NCKAP5: variants seen among roughly 807,000 people sequenced by gnomAD.
NCKAP5 encodes nck-associated protein 5.
A neutral mutation model predicts 167.0 loss-of-function variants in NCKAP5; 92 were observed. The ratio of observed to expected loss-of-function variants is 0.55; its 90% confidence interval spans 0.47 to 0.66. NCKAP5 has a LOEUF of 0.66. NCKAP5 is among the 30% of genes least tolerant of loss of function. The pLI, the probability that NCKAP5 is intolerant of heterozygous loss-of-function variation, is 0.00. For missense variants in NCKAP5, 2,378 were observed against 2,315.0 expected, an observed-to-expected ratio of 1.03 and a Z score of -0.56; for synonymous variants, 891 against 877.4, an observed-to-expected ratio of 1.02 and a Z score of -0.27.
chr2:133,139,879 A>G (rs941678710), intron 5 of NCKAP5, among the ~76,000 whole-genome samples: 3 of 152,234 alleles, frequency 2.0e-5, no homozygotes, highest in African/African-American at 7.2e-5. Flanking sequence ...AAGGAAAGCA[A>G]GACATTGAGT....
At chr2:133,161,051 G>A (rs2083775559) in intron 5 of NCKAP5, among the ~76,000 whole-genome samples, 2 of 152,112 alleles carry the variant, frequency 1.3e-5, no homozygotes, top group African/African-American at 2.4e-5. Flanking sequence ...TCTGCCTCCT[G>A]TCAGGTCAGC....
At chr2:133,567,446 G>C (rs973439250) in intron 1 of NCKAP5, among the ~76,000 whole-genome samples, 1 of 152,156 alleles carries the variant, frequency 6.6e-6, no homozygotes, top group African/African-American at 2.4e-5. Flanking sequence ...CCTGAGGCAG[G>C]CAAAAGAGAA....
At position 132,673,058 on chromosome 2, in the gene NCKAP5, G is replaced by A; in HGVS notation, c.*231C>T. ...ATTTGAACCTTGACTGGCACAGGAA[G>A]AGAAGCTATCATATAAAGAATCACT... On this transcript the variant is annotated 3_prime_UTR_variant, in exon 20 of 20. Transcript: ENST00000409261. 9.0e-7 allele frequency: 1 copy of A among 1,111,246 alleles called. No homozygotes were observed. Among genetic ancestry groups the A allele is most frequent in the Admixed American group, 5.4e-5 (1 of 18,580 alleles). 68.8% of individuals were successfully genotyped at this position (1,111,246 alleles called of 1,614,324 possible). A position where few individuals can be genotyped will look rare whatever the true frequency, so the allele number is the denominator to read the frequency against.
chr2:132,774,134 C>A (rs1175683956), intron 15 of NCKAP5, among the ~76,000 whole-genome samples: 3 of 152,120 alleles, frequency 2.0e-5, no homozygotes, highest in Non-Finnish European at 2.9e-5. Flanking sequence ...TATTTTCAGA[C>A]ATATAACCTC....
intron 4 of NCKAP5, 91 bp from the exon 5 acceptor site, chr2:133,213,870 A>T (rs2086313390): frequency 7.9e-7 from 1 of 1,264,016 alleles, no homozygotes; most frequent in Admixed American, 1.8e-5. Context: ...AGGTCTCTAG[A>T]GGAATTCCTT....
At position 132,785,376 on chromosome 2, in the gene NCKAP5, C is replaced by T. The variant is rs1683475680; in HGVS notation, c.1435G>A (p.Asp479Asn). The T allele has an allele frequency of 6.2e-7, 1 of 1,614,030 alleles. No homozygotes were observed. Among genetic ancestry groups the T allele is most frequent in the African/African-American group, 1.3e-5 (1 of 75,054 alleles). Residue 479 changes from aspartate to asparagine, a missense_variant, in exon 14 of 20, where the codon GAC becomes AAC. Physicochemically the swap from Asp to Asn is conservative, Grantham distance 23 (BLOSUM62 1). Around this residue, in one of 3 missense-constraint regions of NCKAP5, gnomAD observed 1,049 missense variants for 1,023.4 expected, o/e 1.02. Transcript: ENST00000409261. ...VYDLDSHVDA[D>N]DDPSTLALLQ... ...AATGCTAAGGTGGAAGGGTCATCGT[C>T]CGCATCAACGTGGGAATCTAGATCA...
chr2:133,261,544 C>T (rs1046605805), intron 4 of NCKAP5, among the ~76,000 whole-genome samples: 1 of 152,132 alleles, frequency 6.6e-6, no homozygotes, highest in Non-Finnish European at 1.5e-5. Context: ...TACTATGATG[C>T]TATTATTATT....
chr2:133,622,169 G>A, the NCKAP5 span, among the ~76,000 whole-genome samples: 1 of 152,116 alleles, frequency 6.6e-6, no homozygotes, highest in African/African-American at 2.4e-5. Flanking sequence ...TAGACCCACA[G>A]CCAACATTAT....
intron 3 of NCKAP5, among the ~76,000 whole-genome samples, chr2:133,402,042 C>T (rs752403712): frequency 6.6e-5 from 10 of 152,062 alleles, no homozygotes; most frequent in Non-Finnish European, 1.0e-4. Flanking sequence ...ACCCTGTCAG[C>T]GTCATCAAGG....
the NCKAP5 span, among the ~76,000 whole-genome samples, chr2:133,593,409 G>A: frequency 6.7e-6 from 1 of 150,286 alleles, no homozygotes; most frequent in Non-Finnish European, 1.5e-5. Flanking sequence ...TGGACCAATG[G>A]TGTCTTCTGT....
intron 3 of NCKAP5, among the ~76,000 whole-genome samples, chr2:133,362,925 T>C (rs370826695): frequency 2.0e-5 from 3 of 151,920 alleles, no homozygotes; most frequent in South Asian, 2.1e-4. Context: ...GGCTAGTTTT[T>C]TCGTTTTTTG....
At chr2:133,192,202 A>C (rs575220259) in intron 5 of NCKAP5, among the ~76,000 whole-genome samples, 9 of 152,112 alleles carry the variant, frequency 5.9e-5, no homozygotes, top group Non-Finnish European at 1.2e-4. Context: ...TGGGAAAAAC[A>C]GTCTTCAAAA....
At chr2:132,860,389 G>T in intron 11 of NCKAP5, 103 bp downstream of exon 11, 1 of 1,255,048 alleles carries the variant, frequency 8.0e-7, no homozygotes, top group Non-Finnish European at 1.1e-6. Context: ...GGATTCTGAT[G>T]CAATATGCCT....
intron 9 of NCKAP5, among the ~76,000 whole-genome samples, chr2:132,876,087 T>C (rs1691246301): frequency 6.6e-6 from 1 of 152,138 alleles, no homozygotes; most frequent in African/African-American, 2.4e-5. Flanking sequence ...TTGAAGAACA[T>C]TTTGTTTATT....
chr2:132,897,588 C>G (rs956804051), intron 8 of NCKAP5, among the ~76,000 whole-genome samples: 1 of 152,144 alleles, frequency 6.6e-6, no homozygotes, highest in Non-Finnish European at 1.5e-5. Context: ...GCATCCCTGG[C>G]CTCTACCCAC....
intron 16 of NCKAP5, among the ~76,000 whole-genome samples, chr2:132,736,106 G>A (rs1691479954): frequency 6.6e-6 from 1 of 152,122 alleles, no homozygotes; most frequent in Non-Finnish European, 1.5e-5. Context: ...AATTACAGAT[G>A]CCAAATGTAG....
chr2:133,602,807 G>A, the NCKAP5 span, among the ~76,000 whole-genome samples: 1 of 152,208 alleles, frequency 6.6e-6, no homozygotes. Flanking sequence ...ACCCAGTCTT[G>A]CGAAGGACGG....
At chr2:133,249,790 C>T (rs528830373) in intron 4 of NCKAP5, among the ~76,000 whole-genome samples, 1 of 152,096 alleles carries the variant, frequency 6.6e-6, no homozygotes, top group East Asian at 1.9e-4. Flanking sequence ...CACATACGCC[C>T]AAGGGAACAC....
chr2:132,790,054 G>A lies in NCKAP5; in HGVS notation c.1061C>T (p.Thr354Met), dbSNP rs747843825. 42 of 1,612,966 alleles carry A rather than the reference G, an allele frequency of 2.6e-5. No homozygotes were observed. The highest frequency in any genetic ancestry group is 5.3e-5 in the African/African-American group (4 of 74,878). ...CSEYSSGSSY[T>M]WHDGKNLRKR... ...CCTGAGGTTCTTCCCATCGTGCCAC[G>A]TGTAGGAGGAGCCACTGGAGTACTC... The change falls in exon 13 of 20, where the codon ACG becomes ATG. Residue 354 changes from threonine (T) to methionine (M), a missense_variant. Coordinates refer to ENST00000409261, the MANE Select transcript of NCKAP5 (RefSeq NM_207363.3).
Sources: allele counts gnomAD v4.1 joint callset (sites outside exome capture counted in the v4.1 genomes callset), GRCh38; gene constraint gnomAD v4.1.1; regional missense constraint gnomAD v4.1.1; transcripts MANE v1.5; gene names NCBI Gene and HGNC (gene_info 2026-07-23, HGNC 2026-07-21).